The following MED28 variants were observed in gnomAD, a reference collection of about 807,000 sequenced individuals.
The protein encoded by MED28 is mediator complex subunit 28.
In MED28, 26 loss-of-function variants were observed where a neutral mutation model predicts 21.3. The ratio of observed to expected loss-of-function variants is 1.22; its 90% CI spans 0.89 to 1.69. The LOEUF (loss-of-function observed/expected upper bound fraction) is 1.69. Among genes scored for constraint, MED28 ranks in the 40% most tolerant of loss-of-function variants. The pLI is 0.00. For missense variants in MED28, 257 were observed against 215.4 expected, an observed-to-expected ratio of 1.19 and a Z score of -1.21; for synonymous variants, 110 against 87.6, an observed-to-expected ratio of 1.26 and a Z score of -1.43.
intron 1 of MED28, among the ~76,000 whole-genome samples, chr4:17,617,822 G>A (rs753470402): frequency 3.0e-4 from 46 of 151,774 alleles, no homozygotes; most frequent in Non-Finnish European, 4.7e-4. Flanking sequence ...CAGGAGAATC[G>A]CTGAAACCCG....
rs10032326 is a variant in MED28 at position 17,629,094 on chromosome 4, A to T, written c.*5296A>T. On this transcript the variant is annotated 3_prime_UTR_variant, in exon 4 of 4. Coordinates refer to ENST00000237380, the MANE Select transcript of MED28 (RefSeq NM_025205.5). ...CTCTACTAAAAATACATTAATTAGC[A>T]TGGTGGCGGGTGCCTGTAGTCCCAG... 88,059 of 152,016 alleles carry T rather than the reference A, an allele frequency of 0.58. 26,505 individuals are homozygous for T. The highest frequency in any genetic ancestry group is 0.88 in the East Asian group (4,537 of 5,158). The allele number at this position is 152,016 out of a possible 1,614,324, so 9.4% of individuals were successfully genotyped here.
At position 17,633,878 on chromosome 4, in the gene MED28, A is replaced by G. The variant is rs1037962319; in HGVS notation, c.*10080A>G. The G allele has an allele frequency of 1.6e-5, 24 of 1,548,324 alleles. No homozygotes were observed. In the African/African-American group the frequency reaches 3.0e-4, roughly 19 times the overall value. The stretch of plus-strand genomic sequence containing the variant: ...GACCACGCGGCTGGGCACGTCCTCC[A>G]CCTTCTTTTTCTGTTTGTATTAATG... On this transcript the variant is annotated 3_prime_UTR_variant, in exon 4 of 4. Transcript: ENST00000237380.
Position 17,633,960 on chromosome 4 carries a change from A to C in MED28, c.*10162A>C, listed in dbSNP as rs1715045974. The C allele has an allele frequency of 3.4e-6, 4 of 1,193,330 alleles. No homozygotes were observed. The East Asian group carries it at 1.2e-4, about 36-fold the overall frequency. 73.9% of individuals were successfully genotyped at this position (1,193,330 alleles called of 1,614,324 possible). On this transcript the variant is annotated 3_prime_UTR_variant, in exon 4 of 4. Coordinates refer to ENST00000237380, the MANE Select transcript of MED28 (RefSeq NM_025205.5). Reference sequence around the variant, plus strand: ...AAATAAAGCATTATTGTAAAAGCAAATAATGCTCACCCAATCAAAATTGTA... The same window carrying C: ...AAATAAAGCATTATTGTAAAAGCAACTAATGCTCACCCAATCAAAATTGTA...
intron 3 of MED28, among the ~76,000 whole-genome samples, chr4:17,623,193 G>A (rs1457001807): frequency 2.0e-5 from 3 of 152,156 alleles, no homozygotes; most frequent in Non-Finnish European, 4.4e-5. Context: ...TTGAGGTCAG[G>A]AGTTCGAGAT....
Position 17,630,382 on chromosome 4 carries a change from A to G in MED28, c.*6584A>G, listed in dbSNP as rs992708077. 8 of 152,156 alleles carry G rather than the reference A, an allele frequency of 5.3e-5. No homozygotes were observed. The highest frequency in any genetic ancestry group is 7.3e-5 in the Non-Finnish European group (5 of 68,042). 9.4% of individuals were successfully genotyped at this position (152,156 alleles called of 1,614,324 possible). On this transcript the variant is annotated 3_prime_UTR_variant, in exon 4 of 4. Coordinates refer to ENST00000237380, the MANE Select transcript of MED28 (RefSeq NM_025205.5). Reference sequence around the variant, plus strand: ...TGAGGGCTTCACCCTCATGAGTAGGATAAGTACCCTTACAAAAGAGGCTCA... The same window carrying G: ...TGAGGGCTTCACCCTCATGAGTAGGGTAAGTACCCTTACAAAAGAGGCTCA...
In MED28 at chr4:17,630,628, T is replaced by G. The variant is rs1020134151; in HGVS notation, c.*6830T>G. 7 of 152,168 alleles carry G rather than the reference T, an allele frequency of 4.6e-5. No individual in the cohort carries two copies. The highest frequency in any genetic ancestry group is 1.0e-4 in the Non-Finnish European group (7 of 68,022). The allele number at this position is 152,168 out of a possible 1,614,324, so 9.4% of individuals were successfully genotyped here. On this transcript the variant is annotated 3_prime_UTR_variant, in exon 4 of 4. Transcript: ENST00000237380. ...AACTAAGACACTCTAAGCGGGAAACTCACAAAAAATATTTGGTAGTGAAAA... is the reference window on the plus strand; with the variant it reads ...AACTAAGACACTCTAAGCGGGAAACGCACAAAAAATATTTGGTAGTGAAAA...
chr4:17,617,011 C>A (rs2108915180), intron 1 of MED28, among the ~76,000 whole-genome samples: 1 of 152,290 alleles, frequency 6.6e-6, no homozygotes, highest in Non-Finnish European at 1.5e-5. Context: ...CAGGCAGTTG[C>A]CTTGTTGTAG....
Position 17,614,778 on chromosome 4 carries a change from A to G in MED28, c.124A>G (p.Ser42Gly). The G allele has an allele frequency of 6.2e-7, 1 of 1,613,106 alleles. No individual in the cohort carries two copies. The highest frequency in any genetic ancestry group is 8.5e-7 in the Non-Finnish European group (1 of 1,179,612). The change falls in exon 1 of 4, where the codon AGT becomes GGT. Residue 42 changes from serine (S) to glycine (G), a missense_variant. Ser to Gly is a moderately conservative substitution (Grantham distance 56). Coordinates refer to ENST00000237380, the MANE Select transcript of MED28 (RefSeq NM_025205.5). Reference sequence around the variant, plus strand: ...TCCAGGCGCTCCTAGACCTTCCAGCAGTACTTTGGTGGACGAGTTGGAGTC... The same window carrying G: ...TCCAGGCGCTCCTAGACCTTCCAGCGGTACTTTGGTGGACGAGTTGGAGTC... ...AAPGAPRPSS[S>G]TLVDELESSF...
chr4:17,633,978 A>C lies in MED28; in HGVS notation c.*10180A>C. ...AAAGCAAATAATGCTCACCCAATCA[A>C]AATTGTATCGGAGAAGAAGCAACAA... On this transcript the variant is annotated 3_prime_UTR_variant, in exon 4 of 4. Transcript: ENST00000237380. 2 of 1,061,034 alleles carry C rather than the reference A, an allele frequency of 1.9e-6. No individual in the cohort carries two copies. The highest frequency in any genetic ancestry group is 2.5e-6 in the Non-Finnish European group (2 of 795,378). 65.7% of individuals were successfully genotyped at this position (1,061,034 alleles called of 1,614,324 possible). A position where few individuals can be genotyped will look rare whatever the true frequency, so the allele number is the denominator to read the frequency against.
chr4:17,618,443 A>G (rs17507481), intron 1 of MED28, among the ~76,000 whole-genome samples: 92,808 of 151,898 alleles, frequency 0.61, 28,871 homozygotes, highest in East Asian at 0.89. Flanking sequence ...TTGGCCTATT[A>G]ATGGGATGTT....
In MED28 at chr4:17,630,306, T is replaced by C. The variant is rs1239579397; in HGVS notation, c.*6508T>C. 1.3e-5 allele frequency: 2 copies of C among 152,202 alleles called. No individual in the cohort carries two copies. Among genetic ancestry groups the C allele is most frequent in the African/African-American group, 4.8e-5 (2 of 41,448 alleles). The allele number at this position is 152,202 out of a possible 1,614,324, so 9.4% of individuals were successfully genotyped here. ...CCAAAATTCATATGTTGGAACCTAA[T>C]GTCAATGTAATAGTATTAAGAGGTG... On this transcript the variant is annotated 3_prime_UTR_variant, in exon 4 of 4. Transcript: ENST00000237380.
intron 1 of MED28, among the ~76,000 whole-genome samples, chr4:17,619,421 A>G (rs1428162536): frequency 6.6e-6 from 1 of 152,222 alleles, no homozygotes; most frequent in African/African-American, 2.4e-5. Flanking sequence ...GATGAAAATA[A>G]TGGATATGAT....
At position 17,631,574 on chromosome 4, in the gene MED28, T is replaced by C. The variant is rs2108922986; in HGVS notation, c.*7776T>C. ...TATAACTGGGCTAGGATTGGTTATT[T>C]ACAGAAAAACCTTGTGGTACTTAAT... On this transcript the variant is annotated 3_prime_UTR_variant, in exon 4 of 4. Coordinates refer to ENST00000237380, the MANE Select transcript of MED28 (RefSeq NM_025205.5). 1 of 152,298 alleles carries C rather than the reference T, an allele frequency of 6.6e-6. No homozygotes were observed. Among genetic ancestry groups the C allele is most frequent in the Non-Finnish European group, 1.5e-5 (1 of 68,034 alleles). The allele number at this position is 152,298 out of a possible 1,614,324, so 9.4% of individuals were successfully genotyped here. A position where few individuals can be genotyped will look rare whatever the true frequency, so the allele number is the denominator to read the frequency against.
At position 17,625,990 on chromosome 4, in the gene MED28, G is replaced by C. The variant is rs1427777246; in HGVS notation, c.*2192G>C. On this transcript the variant is annotated 3_prime_UTR_variant, in exon 4 of 4. Coordinates refer to ENST00000237380, the MANE Select transcript of MED28 (RefSeq NM_025205.5). Reference sequence around the variant, plus strand: ...GAAGCCTTATAACAGAATCAATATTGTTTTTCCCATTTTCACAGATGGATA... The same window carrying C: ...GAAGCCTTATAACAGAATCAATATTCTTTTTCCCATTTTCACAGATGGATA... 6.2e-6 allele frequency: 1 copy of C among 162,290 alleles called. No individual in the cohort carries two copies. Among genetic ancestry groups the C allele is most frequent in the Non-Finnish European group, 1.3e-5 (1 of 74,680 alleles). The allele number at this position is 162,290 out of a possible 1,614,324, so 10.1% of individuals were successfully genotyped here.
At position 17,624,833 on chromosome 4, in the gene MED28, C is replaced by G. The variant is rs987477866; in HGVS notation, c.*1035C>G. The stretch of plus-strand genomic sequence containing the variant: ...GCCCTGCCTTTGGGAGGGTATTTTG[C>G]TCTCGTTAGTTTTGTGGGCAGCCTC... On this transcript the variant is annotated 3_prime_UTR_variant, in exon 4 of 4. Transcript: ENST00000237380. 3 of 152,036 alleles carry G rather than the reference C, an allele frequency of 2.0e-5. No individual in the cohort carries two copies. The highest frequency in any genetic ancestry group is 6.6e-5 in the Admixed American group (1 of 15,248). 9.4% of individuals were successfully genotyped at this position (152,036 alleles called of 1,614,324 possible).
At chr4:17,623,348 C>G (rs1037550038) in intron 3 of MED28, among the ~76,000 whole-genome samples, 2 of 149,980 alleles carry the variant, frequency 1.3e-5, no homozygotes, top group African/African-American at 4.9e-5. Context: ...CTGCACTGAG[C>G]CGAGACCGCA....
chr4:17,622,865 A>G (rs1214057583), intron 3 of MED28, among the ~76,000 whole-genome samples: 1 of 152,180 alleles, frequency 6.6e-6, no homozygotes, highest in African/African-American at 2.4e-5. Flanking sequence ...TTGTGCAAGG[A>G]AACTCCCATT....
chr4:17,633,785 G>T lies in MED28; in HGVS notation c.*9987G>T, dbSNP rs1010785297. Reference sequence around the variant, plus strand: ...GCTGGGTGATGTAGTTATTGGAGGGGCATTAATCCTGGAACTCAGATCGCC... The same window carrying T: ...GCTGGGTGATGTAGTTATTGGAGGGTCATTAATCCTGGAACTCAGATCGCC... On this transcript the variant is annotated 3_prime_UTR_variant, in exon 4 of 4. Transcript: ENST00000237380. 9 of 1,551,482 alleles carry T rather than the reference G, an allele frequency of 5.8e-6. No individual in the cohort carries two copies. In the African/African-American group the frequency reaches 1.1e-4, roughly 19 times the overall value.
In MED28 at chr4:17,623,867, G is replaced by C; in HGVS notation, c.*69G>C. ...AGGTTGGCCACACATTCCTTCCTGT[G>C]GACTTGACATTTTGGAAGAACTCTT... On this transcript the variant is annotated 3_prime_UTR_variant, in exon 4 of 4. Transcript: ENST00000237380. 6.7e-7 allele frequency: 1 copy of C among 1,497,828 alleles called. No homozygotes were observed. Among genetic ancestry groups the C allele is most frequent in the Non-Finnish European group, 9.1e-7 (1 of 1,100,914 alleles). The allele number at this position is 1,497,828 out of a possible 1,614,324, so 92.8% of individuals were successfully genotyped here.
Sources: allele counts gnomAD v4.1 joint callset (sites outside exome capture counted in the v4.1 genomes callset), GRCh38; gene constraint gnomAD v4.1.1; transcripts MANE v1.5; gene names NCBI Gene and HGNC (gene_info 2026-07-23, HGNC 2026-07-21).